The following TRAPPC6B variants were observed in gnomAD, a reference collection of about 807,000 sequenced individuals.
The protein encoded by TRAPPC6B is trafficking protein particle complex subunit 6B.
TRAPPC6B carries 27 observed loss-of-function variants against 24.7 expected under a neutral mutation model. The observed-to-expected ratio is 1.09, with a 90% confidence interval of 0.81 to 1.51. The LOEUF is 1.51. TRAPPC6B is among the 40% of genes most tolerant of loss of function. TRAPPC6B has a pLI of 0.00. For missense variants in TRAPPC6B, 212 were observed against 190.8 expected (o/e 1.11, Z -0.66); for synonymous variants, 80 against 66.6 (o/e 1.20, Z -0.98).
At chr14:39,164,149 C>G (rs188968966) in intron 1 of TRAPPC6B, among the ~76,000 whole-genome samples, 57 of 152,204 alleles carry the variant, frequency 3.7e-4, no homozygotes, top group African/African-American at 1.3e-3. Flanking sequence ...TTTGTGTCAT[C>G]TTCTATATTT....
chr14:39,169,304 C>T (rs2053140599), intron 1 of TRAPPC6B, among the ~76,000 whole-genome samples: 1 of 151,596 alleles, frequency 6.6e-6, no homozygotes, highest in Admixed American at 6.6e-5. Flanking sequence ...TCAGCAGTGA[C>T]AGGCCCACAA....
chr14:39,152,458 T>C (rs1265466454), intron 4 of TRAPPC6B, among the ~76,000 whole-genome samples: 1 of 152,152 alleles, frequency 6.6e-6, no homozygotes, highest in Non-Finnish European at 1.5e-5. Context: ...CCAAAAGTCA[T>C]GACAAGAACT....
chr14:39,148,655 C>T lies in TRAPPC6B; in HGVS notation c.*1695G>A. The T allele has an allele frequency of 2.5e-6, 1 of 398,398 alleles. No homozygotes were observed. 24.7% of individuals were successfully genotyped at this position (398,398 alleles called of 1,614,324 possible). ...ATTAGCTATTCCTGGGTCATTATGA[C>T]TTTTAATAAACTTTATACATGTATA... On this transcript the variant is annotated 3_prime_UTR_variant, in exon 6 of 6. Transcript: ENST00000330149.
chr14:39,152,505 A>G (rs1232606962), intron 4 of TRAPPC6B, among the ~76,000 whole-genome samples: 1 of 152,186 alleles, frequency 6.6e-6, no homozygotes, highest in African/African-American at 2.4e-5. Flanking sequence ...ATTTTTGATT[A>G]CCCACATCTA....
In TRAPPC6B at chr14:39,158,305, T is replaced by G. The variant is rs773786677; in HGVS notation, c.247A>C (p.Asn83His). 2 of 1,586,888 alleles carry G rather than the reference T, an allele frequency of 1.3e-6. No individual in the cohort carries two copies. The highest frequency in any genetic ancestry group is 4.5e-5 in the East Asian group (2 of 44,514). Residue 83 changes from asparagine (N) to histidine (H), a missense_variant, in exon 3 of 6, where the codon AAT (asparagine) becomes CAT (histidine). By Grantham distance (68) the Asn-to-His change is moderately conservative. Transcript: ENST00000330149. ...WTTVFKKQIDNLRTNHQGIYV... is the reference protein window; with the variant it reads ...WTTVFKKQIDHLRTNHQGIYV... ...ATTACCTGATGATTTGTCCTTAGAT[T>G]GTCGATTTGTTTCTTGAATACCGTA...
At chr14:39,165,469 A>G (rs7150364) in intron 1 of TRAPPC6B, among the ~76,000 whole-genome samples, 4,567 of 152,132 alleles carry the variant, frequency 0.03, 234 homozygotes, top group African/African-American at 0.1. Flanking sequence ...CACTATCTTC[A>G]GTTTTTCTGC....
In TRAPPC6B at chr14:39,164,256, C is replaced by T. The variant is rs572966754; in HGVS notation, c.82-4706G>A. Among the ~76,000 whole-genome samples the T allele has an allele frequency of 1.7e-3, 254 of 152,192 alleles. 1 individual carries two copies. Among genetic ancestry groups the T allele is most frequent in the African/African-American group, 5.4e-3 (223 of 41,526 alleles). On this transcript the variant is annotated intron_variant, in intron 1 of 5. Transcript: ENST00000330149. ...CACGCCTCCTAGCATTTTGGGAGGCCGAGGCAGGCGGATTACCTGAGGTCA... is the reference window on the plus strand; with the variant it reads ...CACGCCTCCTAGCATTTTGGGAGGCTGAGGCAGGCGGATTACCTGAGGTCA...
intron 3 of TRAPPC6B, among the ~76,000 whole-genome samples, chr14:39,155,399 G>A (rs1377201431): frequency 2.0e-5 from 3 of 151,960 alleles, no homozygotes; most frequent in African/African-American, 4.8e-5. Flanking sequence ...GCGCCACTAC[G>A]CCCAGCTAAT....
chr14:39,155,630 G>A (rs1409067214), intron 3 of TRAPPC6B, among the ~76,000 whole-genome samples: 5 of 151,962 alleles, frequency 3.3e-5, no homozygotes, highest in African/African-American at 9.7e-5. Flanking sequence ...TCTGCCTCCC[G>A]GGTTCAAGCA....
rs918643475 is a variant in TRAPPC6B at position 39,157,273 on chromosome 14, A to G, written c.267+1012T>C. On this transcript the variant is annotated intron_variant, in intron 3 of 5. Transcript: ENST00000330149. ...GCAGTGGCACAAAGCCATCCTCTGT[A>G]AGCAGCTGAAAGTGCCTCCTACAAT... 13 of 379,134 alleles carry G rather than the reference A, an allele frequency of 3.4e-5. No individual in the cohort carries two copies. The Admixed American group carries it at 3.8e-4, about 11-fold the overall frequency. 23.5% of individuals were successfully genotyped at this position (379,134 alleles called of 1,614,324 possible). A position where few individuals can be genotyped will look rare whatever the true frequency, so the allele number is the denominator to read the frequency against.
chr14:39,151,603 A>G (rs1199910115), intron 5 of TRAPPC6B, 143 bp downstream of exon 5: 1 of 587,886 alleles, frequency 1.7e-6, no homozygotes, highest in Non-Finnish European at 2.9e-6. Context: ...AGTATGCTAC[A>G]TATTACTACA....
intron 1 of TRAPPC6B, among the ~76,000 whole-genome samples, chr14:39,166,947 C>T (rs2053114672): frequency 6.6e-6 from 1 of 152,162 alleles, no homozygotes; most frequent in Admixed American, 6.5e-5. Context: ...ACTCTGCTCT[C>T]CCATTTAGCA....
rs540778363 is a variant in TRAPPC6B, at chr14:39,149,094, A to G, written c.*1256T>C. 13 of 231,244 alleles carry G rather than the reference A, an allele frequency of 5.6e-5. No individual in the cohort carries two copies. The highest frequency in any genetic ancestry group is 2.9e-4 in the African/African-American group (13 of 44,854). The allele number at this position is 231,244 out of a possible 1,614,324, so 14.3% of individuals were successfully genotyped here. The stretch of plus-strand genomic sequence containing the variant: ...AGGGCACATAACTAGAATTTAATAA[A>G]TCAAGTTAAACAAATTATCTTTGTA... On this transcript the variant is annotated 3_prime_UTR_variant, in exon 6 of 6. Transcript: ENST00000330149.
rs763991701 is a variant in TRAPPC6B, at chr14:39,154,263, C to A, written c.299G>T (p.Arg100Leu). 29 of 1,612,976 alleles carry A rather than the reference C, an allele frequency of 1.8e-5. No individual in the cohort carries two copies. Among genetic ancestry groups the A allele is most frequent in the Non-Finnish European group, 2.2e-5 (26 of 1,179,522 alleles). ...TCCTGCAGACATCTGAGTAAGCAGG[C>A]GAAATTTGTTGTCCTGAAGTACATA... The part of the protein sequence containing the change: ...GIYVLQDNKF[R>L]LLTQMSAGKQ... The change falls in exon 4 of 6, where the codon CGC becomes CTC. Residue 100 changes from arginine (R) to leucine (L), a missense_variant. Transcript: ENST00000330149.
rs1324444794 is a variant in TRAPPC6B, at chr14:39,149,223, A to G, written c.*1127T>C. 1 of 152,696 alleles carries G rather than the reference A, an allele frequency of 6.5e-6. No individual in the cohort carries two copies. The highest frequency in any genetic ancestry group is 2.4e-5 in the African/African-American group (1 of 41,468). 9.5% of individuals were successfully genotyped at this position (152,696 alleles called of 1,614,324 possible). On this transcript the variant is annotated 3_prime_UTR_variant, in exon 6 of 6. Transcript: ENST00000330149. Reference sequence around the variant, plus strand: ...AGTTTTTATTTTGTGTTTTTAATATAATGTTTGGTATAGTCAATCTTCTTA... The same window carrying G: ...AGTTTTTATTTTGTGTTTTTAATATGATGTTTGGTATAGTCAATCTTCTTA...
At chr14:39,154,170 C>T (rs564671301) in intron 4 of TRAPPC6B, 41 bp downstream of exon 4, 1 of 1,245,808 alleles carries the variant, frequency 8.0e-7, no homozygotes, top group East Asian at 2.3e-5. Context: ...CCCTGTAGTC[C>T]TACTATTAAC....
chr14:39,150,725 G>C (rs1235816630), intron 5 of TRAPPC6B, among the ~76,000 whole-genome samples: 1 of 152,072 alleles, frequency 6.6e-6, no homozygotes, highest in African/African-American at 2.4e-5. Context: ...TTTTAGTAGA[G>C]ACAGGGTTTC....
intron 3 of TRAPPC6B, among the ~76,000 whole-genome samples, chr14:39,155,023 G>A (rs2139379372): frequency 6.6e-6 from 1 of 152,200 alleles, no homozygotes; most frequent in Admixed American, 6.5e-5. Flanking sequence ...AAACACCTGG[G>A]TGTTTAGCAA....
In TRAPPC6B at chr14:39,150,320, C is replaced by T. The variant is rs769919403; in HGVS notation, c.*30G>A. 2 of 1,561,992 alleles carry T rather than the reference C, an allele frequency of 1.3e-6. No individual in the cohort carries two copies. The highest frequency in any genetic ancestry group is 2.3e-5 in the East Asian group (1 of 44,398). On this transcript the variant is annotated 3_prime_UTR_variant, in exon 6 of 6. Coordinates refer to ENST00000330149, the MANE Select transcript of TRAPPC6B (RefSeq NM_001079537.2). ...TTTACATGAATAATTTATCTCTTTACACTGTTGAAGCCTTGCATTTCAGTA... is the reference window on the plus strand; with the variant it reads ...TTTACATGAATAATTTATCTCTTTATACTGTTGAAGCCTTGCATTTCAGTA...
Sources: allele counts gnomAD v4.1 joint callset (sites outside exome capture counted in the v4.1 genomes callset), GRCh38; gene constraint gnomAD v4.1.1; transcripts MANE v1.5; gene names NCBI Gene and HGNC (gene_info 2026-07-23, HGNC 2026-07-21).